The following KCNN2 variants were observed in gnomAD, a reference collection of about 807,000 sequenced individuals.
KCNN2 encodes potassium calcium-activated channel subfamily N member 2.
Under a neutral mutation model 55.5 loss-of-function variants are expected in KCNN2, and 24 were observed. That is an observed-to-expected ratio of 0.43 (90% CI 0.31 to 0.61). The LOEUF (loss-of-function observed/expected upper bound fraction) is 0.61, where lower values mean the gene tolerates loss of function less well. Among genes scored for constraint, KCNN2 ranks in the 20% least tolerant of loss-of-function variants. KCNN2 has a pLI of 0.08. For missense variants in KCNN2, 754 were observed against 853.6 expected, an observed-to-expected ratio of 0.88 and a Z score of 1.45; for synonymous variants, 431 against 336.1, an observed-to-expected ratio of 1.28 and a Z score of -3.09.
intron 2 of KCNN2, among the ~76,000 whole-genome samples, chr5:114,324,462 T>C (rs1343755380): frequency 6.6e-6 from 1 of 152,212 alleles, no homozygotes; most frequent in East Asian, 1.9e-4. Context: ...TGATGTCATC[T>C]TGCAGGCTTT....
intron 3 of KCNN2, among the ~76,000 whole-genome samples, chr5:114,423,211 G>T (rs1196504440): frequency 6.6e-6 from 1 of 152,190 alleles, no homozygotes; most frequent in African/African-American, 2.4e-5. Context: ...CAGAACCAGT[G>T]ATCAGAAAAT....
intron 1 of KCNN2, among the ~76,000 whole-genome samples, chr5:114,072,440 A>C (rs1049400214): frequency 6.6e-6 from 1 of 152,198 alleles, no homozygotes; most frequent in Non-Finnish European, 1.5e-5. Flanking sequence ...TGCATTAGCT[A>C]TGCATAAAAT....
intron 1 of KCNN2, among the ~76,000 whole-genome samples, chr5:114,081,519 C>A (rs577159750): frequency 6.6e-6 from 1 of 152,278 alleles, no homozygotes; most frequent in South Asian, 2.1e-4. Context: ...ACTGCTGGGA[C>A]AATTCAATGG....
intron 2 of KCNN2, among the ~76,000 whole-genome samples, chr5:114,378,160 C>T (rs935855270): frequency 2.6e-5 from 4 of 151,866 alleles, no homozygotes; most frequent in East Asian, 1.9e-4. Context: ...ACAAATCTGG[C>T]GTATGTGTTT....
At chr5:114,217,695 A>T (rs13179663) in intron 1 of KCNN2, among the ~76,000 whole-genome samples, 17,208 of 152,194 alleles carry the variant, frequency 0.11, 1,161 homozygotes, top group Middle Eastern at 0.23. Flanking sequence ...GGGTGTGGTC[A>T]TGGCTTTTTA....
chr5:114,449,999 C>T (rs1244431071), intron 3 of KCNN2, among the ~76,000 whole-genome samples: 1 of 152,134 alleles, frequency 6.6e-6, no homozygotes, highest in Non-Finnish European at 1.5e-5. Flanking sequence ...ACAACATCAC[C>T]TCACAGCCCT....
chr5:114,361,074 C>G (rs1757404974), upstream of KCNN2: 3 of 152,366 alleles, frequency 2.0e-5, no homozygotes, highest in African/African-American at 4.8e-5. Flanking sequence ...TTCGGGCTGC[C>G]GGAGGGCCTG....
chr5:114,223,852 G>C (rs1174666626), intron 2 of KCNN2, among the ~76,000 whole-genome samples: 1 of 152,180 alleles, frequency 6.6e-6, no homozygotes, highest in African/African-American at 2.4e-5. Flanking sequence ...GTGGGGCTAG[G>C]ACCCAAACCT....
chr5:114,383,029 A>C (rs895449425), intron 2 of KCNN2, among the ~76,000 whole-genome samples: 1 of 152,204 alleles, frequency 6.6e-6, no homozygotes, highest in Non-Finnish European at 1.5e-5. Flanking sequence ...AAAATCAATC[A>C]ATCTAAAGCC....
chr5:114,242,308 A>G (rs1754662542), intron 2 of KCNN2, among the ~76,000 whole-genome samples: 1 of 152,084 alleles, frequency 6.6e-6, no homozygotes, highest in Non-Finnish European at 1.5e-5. Flanking sequence ...GTCTTCAACA[A>G]TAGCATAAAC....
intron 1 of KCNN2, among the ~76,000 whole-genome samples, chr5:114,158,578 A>G (rs965812568): frequency 3.3e-5 from 5 of 151,810 alleles, no homozygotes; most frequent in South Asian, 2.1e-4. Flanking sequence ...CATTGAATCT[A>G]TAAATTACCT....
intron 2 of KCNN2, among the ~76,000 whole-genome samples, chr5:114,284,634 C>T (rs1020841274): frequency 6.6e-6 from 1 of 152,114 alleles, no homozygotes; most frequent in Non-Finnish European, 1.5e-5. Flanking sequence ...TCTCCTGCCT[C>T]AGCCTCCCCA....
chr5:114,351,655 G>A (rs944845043), intron 2 of KCNN2, among the ~76,000 whole-genome samples: 1 of 151,668 alleles, frequency 6.6e-6, no homozygotes, highest in Non-Finnish European at 1.5e-5. Context: ...TTTGTTGAGT[G>A]TGTTTATCAT....
At chr5:114,149,856 A>C (rs564668173) in intron 1 of KCNN2, among the ~76,000 whole-genome samples, 144 of 152,288 alleles carry the variant, frequency 9.5e-4, no homozygotes, top group Middle Eastern at 6.8e-3. Context: ...CTCAGAAGGG[A>C]GTATGCCTTA....
intron 1 of KCNN2, among the ~76,000 whole-genome samples, chr5:114,219,424 G>A (rs1414191584): frequency 6.6e-6 from 1 of 152,122 alleles, no homozygotes; most frequent in Non-Finnish European, 1.5e-5. Flanking sequence ...CAATGAAAGT[G>A]GCTCTCCGCA....
At chr5:114,160,303 G>C (rs144104831) in intron 1 of KCNN2, among the ~76,000 whole-genome samples, 4,594 of 152,258 alleles carry the variant, frequency 0.03, 245 homozygotes, top group African/African-American at 0.1. Flanking sequence ...TTTCCATGTA[G>C]TTGAGCGGCT....
At chr5:114,210,319 A>G (rs1038689206) in intron 1 of KCNN2, among the ~76,000 whole-genome samples, 4 of 152,212 alleles carry the variant, frequency 2.6e-5, no homozygotes, top group African/African-American at 9.7e-5. Context: ...TTTAAGCAGA[A>G]TCACACATAA....
At chr5:114,422,268 A>G (rs6859284) in intron 3 of KCNN2, among the ~76,000 whole-genome samples, 74,127 of 152,020 alleles carry the variant, frequency 0.49, 20,443 homozygotes, top group African/African-American at 0.76. Flanking sequence ...GATAATATTT[A>G]AAACTGGGGT....
rs1192406568 is a variant in KCNN2 at position 114,449,896 on chromosome 5, ACACACACACACACG to A, written c.1638-13151_1638-13138del. Among the ~76,000 whole-genome samples the A allele has an allele frequency of 6.8e-5, 6 of 88,818 alleles. No homozygotes were observed. The East Asian group carries it at 4.0e-3, about 59-fold the overall frequency. The allele number at this position is 88,818 out of a possible 152,430, so 58.3% of individuals were successfully genotyped here. On this transcript the variant is annotated intron_variant, in intron 3 of 7. Transcript: ENST00000673685. ...TCCAAACATACACACACACACACAC[ACACACACACACACG>A]CGCGCGCTCGCGTGCGCGCACTCTT...
Sources: allele counts gnomAD v4.1 joint callset (sites outside exome capture counted in the v4.1 genomes callset), GRCh38; gene constraint gnomAD v4.1.1; transcripts MANE v1.5; gene names NCBI Gene and HGNC (gene_info 2026-07-23, HGNC 2026-07-21).